TDRD5: variants seen among roughly 807,000 people sequenced by gnomAD.
The protein encoded by TDRD5 is tudor domain containing 5.
In TDRD5, 41 loss-of-function variants were observed where a neutral mutation model predicts 120.6. The ratio of observed to expected loss-of-function variants is 0.34; its 90% CI spans 0.26 to 0.44. TDRD5 has a LOEUF of 0.44. TDRD5 is among the 20% of genes least tolerant of loss of function. The pLI is 1.00. For synonymous variants in TDRD5, 430 were observed against 433.7 expected, an observed-to-expected ratio of 0.99 and a Z score of 0.11; for missense variants, 1,006 against 1,221.2, an observed-to-expected ratio of 0.82 and a Z score of 2.63.
intron 9 of TDRD5, among the ~76,000 whole-genome samples, chr1:179,637,604 G>T (rs1281575298): frequency 2.0e-5 from 3 of 151,578 alleles, no homozygotes; most frequent in African/African-American, 7.3e-5. Context: ...AAAATTAGCT[G>T]GGCATGATGG....
At chr1:179,594,901 C>G (rs557198180) in intron 3 of TDRD5, among the ~76,000 whole-genome samples, 22 of 152,322 alleles carry the variant, frequency 1.4e-4, no homozygotes, top group South Asian at 2.1e-4. Context: ...ATTACACTTG[C>G]AAGAGATTGA....
intron 17 of TDRD5, among the ~76,000 whole-genome samples, chr1:179,679,717 CATCTAGAGGTTTTTCCCCCCG>C (rs1229416355): frequency 6.6e-6 from 1 of 150,734 alleles, no homozygotes; most frequent in Admixed American, 6.6e-5. Flanking sequence ...TTTTTCCCCC[CATCTAGAGGTTTTTCCCCCCG>C]ATCTAGAGGT....
chr1:179,671,227 C>G (rs1033801136), intron 17 of TDRD5, among the ~76,000 whole-genome samples: 12 of 152,156 alleles, frequency 7.9e-5, no homozygotes, highest in Admixed American at 5.9e-4. Flanking sequence ...GTACTACTAT[C>G]TTAATTACCA....
chr1:179,652,634 G>A (rs766444668), intron 13 of TDRD5, among the ~76,000 whole-genome samples: 1 of 151,574 alleles, frequency 6.6e-6, no homozygotes, highest in Non-Finnish European at 1.5e-5. Flanking sequence ...CACATGGCAG[G>A]CACTGTTAAA....
At chr1:179,655,671 CT>C in intron 14 of TDRD5, among the ~76,000 whole-genome samples, 1 of 152,290 alleles carries the variant, frequency 6.6e-6, no homozygotes, top group Non-Finnish European at 1.5e-5. Context: ...CTAGTTTTAC[CT>C]TTTCAGGACT....
rs1491390566 is a variant in TDRD5, at chr1:179,690,680, ACT to A, written c.2861-13_2861-12del. The A allele has an allele frequency of 6.2e-7, 1 of 1,609,908 alleles. No homozygotes were observed. The highest frequency in any genetic ancestry group is 8.5e-7 in the Non-Finnish European group (1 of 1,177,674). ...GTACCCCTTGAAAAGATGTTTGTGTACTCTTTCTTTTCCAGTGGAAAGCTCAC... is the reference window on the plus strand; with the variant it reads ...GTACCCCTTGAAAAGATGTTTGTGTACTTTCTTTTCCAGTGGAAAGCTCAC... On this transcript the variant is annotated splice_polypyrimidine_tract_variant and intron_variant, in intron 17 of 17. Coordinates refer to ENST00000444136, the MANE Select transcript of TDRD5 (RefSeq NM_001199085.3).
At chr1:179,631,237 A>G (rs559224095) in intron 7 of TDRD5, among the ~76,000 whole-genome samples, 1 of 152,158 alleles carries the variant, frequency 6.6e-6, no homozygotes, top group African/African-American at 2.4e-5. Context: ...TAAAAATACA[A>G]AAAAACTAGC....
chr1:179,660,633 C>A (rs1160735561), intron 14 of TDRD5, among the ~76,000 whole-genome samples: 1 of 152,096 alleles, frequency 6.6e-6, no homozygotes, highest in East Asian at 1.9e-4. Flanking sequence ...GATCTTTTTA[C>A]CCCTTCCTTT....
intron 6 of TDRD5, 73 bp downstream of exon 6, chr1:179,621,164 C>T (rs1676822679): frequency 7.2e-7 from 1 of 1,387,994 alleles, no homozygotes; most frequent in Non-Finnish European, 9.8e-7. Context: ...AATTTTGTGG[C>T]TACTCCTTGG....
intron 17 of TDRD5, among the ~76,000 whole-genome samples, chr1:179,675,308 C>A: frequency 9.0e-6 from 1 of 111,014 alleles, no homozygotes; most frequent in East Asian, 2.9e-4. Context: ...GAGACGGAGT[C>A]TCACTCTTTC....
intron 11 of TDRD5, among the ~76,000 whole-genome samples, chr1:179,647,658 C>T (rs1281958716): frequency 6.6e-6 from 1 of 151,958 alleles, no homozygotes; most frequent in Admixed American, 6.6e-5. Context: ...AGTGAACAGG[C>T]AACCTACAAA....
intron 17 of TDRD5, among the ~76,000 whole-genome samples, chr1:179,678,840 A>G (rs1215902020): frequency 6.6e-6 from 1 of 152,176 alleles, no homozygotes; most frequent in Non-Finnish European, 1.5e-5. Context: ...TCAGTTTACT[A>G]CTTGTGAAAT....
chr1:179,647,332 G>C (rs1215237776), intron 11 of TDRD5, among the ~76,000 whole-genome samples: 4 of 147,764 alleles, frequency 2.7e-5, no homozygotes, highest in East Asian at 2.0e-4. Context: ...ACGAACCTGA[G>C]AAAAACAAGC....
intron 16 of TDRD5, among the ~76,000 whole-genome samples, chr1:179,664,710 G>A (rs1375071347): frequency 6.6e-6 from 1 of 152,110 alleles, no homozygotes; most frequent in South Asian, 2.1e-4. Context: ...TCATCAGTTG[G>A]TGGGAATTTG....
chr1:179,655,543 T>A (rs550339665), intron 14 of TDRD5, among the ~76,000 whole-genome samples: 2 of 152,262 alleles, frequency 1.3e-5, no homozygotes, highest in South Asian at 4.1e-4. Context: ...AACACTGCAA[T>A]TGGGATGCAG....
At chr1:179,630,703 A>T in intron 6 of TDRD5, 64 bp from the exon 7 acceptor site, 1 of 1,523,576 alleles carries the variant, frequency 6.6e-7, no homozygotes, top group Non-Finnish European at 8.9e-7. Flanking sequence ...TCCAAGGACA[A>T]CTATATATGT....
At chr1:179,598,558 T>G (rs1675530887) in intron 4 of TDRD5, among the ~76,000 whole-genome samples, 1 of 152,222 alleles carries the variant, frequency 6.6e-6, no homozygotes, top group Non-Finnish European at 1.5e-5. Context: ...TTTATAGTTT[T>G]CAATGCATAA....
At chr1:179,650,357 C>T (rs1371304316) in intron 11 of TDRD5, among the ~76,000 whole-genome samples, 14 of 146,154 alleles carry the variant, frequency 9.6e-5, no homozygotes, top group Non-Finnish European at 1.9e-4. Context: ...GCCGAGATCA[C>T]GCCATTGCAC....
intron 11 of TDRD5, among the ~76,000 whole-genome samples, chr1:179,645,442 G>A (rs1678302730): frequency 6.6e-6 from 1 of 152,152 alleles, no homozygotes; most frequent in South Asian, 2.1e-4. Flanking sequence ...ATACACTGTG[G>A]TCAGAGATCA....
Sources: gnomAD v4.1 joint callset for allele counts (sites outside exome capture counted in the v4.1 genomes callset) on GRCh38, gnomAD v4.1.1 for gene constraint, MANE v1.5 for transcripts, NCBI Gene and HGNC (gene_info 2026-07-23, HGNC 2026-07-21) for gene names.